HERC4: variants seen among roughly 807,000 people sequenced by gnomAD.
The protein encoded by HERC4 is HECT and RLD domain containing E3 ubiquitin protein ligase 4, also known as probable E3 ubiquitin-protein ligase HERC4.
HERC4 carries 28 observed loss-of-function variants against 124.3 expected under a neutral mutation model. That is an observed-to-expected ratio of 0.23 (90% CI 0.17 to 0.31). The LOEUF is 0.31. HERC4 is among the 10% of genes least tolerant of loss of function. The pLI, the probability that HERC4 is intolerant of heterozygous loss-of-function variation, is 1.00. For missense variants in HERC4, 713 were observed against 1,229.3 expected, an observed-to-expected ratio of 0.58 and a Z score of 6.28; for synonymous variants, 407 against 421.5, an observed-to-expected ratio of 0.97 and a Z score of 0.42.
intron 16 of HERC4, among the ~76,000 whole-genome samples, chr10:67,958,815 T>G (rs912623012): frequency 6.6e-6 from 1 of 152,202 alleles, no homozygotes; most frequent in Admixed American, 6.5e-5. Flanking sequence ...TTTTATATTC[T>G]GAGGACACAT....
chr10:68,004,655 T>A (rs2037432660), intron 9 of HERC4, among the ~76,000 whole-genome samples: 1 of 152,228 alleles, frequency 6.6e-6, no homozygotes, highest in South Asian at 2.1e-4. Context: ...GAGGTTTAAC[T>A]GACTCACAGT....
intron 8 of HERC4, among the ~76,000 whole-genome samples, chr10:68,017,801 TC>T (rs1282395786): frequency 6.6e-6 from 1 of 152,144 alleles, no homozygotes; most frequent in Non-Finnish European, 1.5e-5. Flanking sequence ...TGTCAATAAG[TC>T]TAAAATTAGG....
intron 9 of HERC4, among the ~76,000 whole-genome samples, chr10:68,003,197 C>T (rs1564533811): frequency 6.6e-6 from 1 of 151,600 alleles, no homozygotes; most frequent in Non-Finnish European, 1.5e-5. Context: ...TGCTCTGTCA[C>T]CTAGGCTCGA....
At chr10:67,970,843 T>C (rs1316170782) in intron 15 of HERC4, among the ~76,000 whole-genome samples, 1 of 151,964 alleles carries the variant, frequency 6.6e-6, no homozygotes, top group East Asian at 1.9e-4. Flanking sequence ...GATCAATGTT[T>C]CTGCTTTAAG....
chr10:68,064,397 T>C (rs1164851271), intron 3 of HERC4, among the ~76,000 whole-genome samples: 4 of 151,084 alleles, frequency 2.6e-5, no homozygotes, highest in Non-Finnish European at 4.4e-5. Context: ...CTACTAAAAA[T>C]ACAAAAATTA....
intron 19 of HERC4, among the ~76,000 whole-genome samples, chr10:67,949,846 C>G (rs371439841): frequency 4.6e-5 from 7 of 152,090 alleles, no homozygotes; most frequent in African/African-American, 1.7e-4. Context: ...GGTGAAACCT[C>G]GTCTCTACCA....
At chr10:67,980,708 G>A (rs1042083539) in intron 15 of HERC4, among the ~76,000 whole-genome samples, 36 of 152,158 alleles carry the variant, frequency 2.4e-4, no homozygotes, top group African/African-American at 8.7e-4. Flanking sequence ...TTTCAAAACA[G>A]AGTATAAGAT....
intron 9 of HERC4, chr10:68,010,307 G>C: frequency 1.0e-6 from 1 of 958,078 alleles, no homozygotes; most frequent in African/African-American, 1.6e-5. Flanking sequence ...CATAGCCTGG[G>C]GTACCAAAAT....
chr10:68,019,488 G>A (rs2038479048), intron 8 of HERC4, among the ~76,000 whole-genome samples: 1 of 152,036 alleles, frequency 6.6e-6, no homozygotes. Context: ...ACAGTAGGAG[G>A]GTGAAGAATT....
intron 19 of HERC4, among the ~76,000 whole-genome samples, chr10:67,945,465 C>T (rs544372338): frequency 6.6e-6 from 1 of 152,262 alleles, no homozygotes; most frequent in Non-Finnish European, 1.5e-5. Context: ...TTGAGTTCTT[C>T]AGTCTGAAAG....
chr10:67,945,773 G>C (rs2033272478), intron 19 of HERC4, among the ~76,000 whole-genome samples: 1 of 151,850 alleles, frequency 6.6e-6, no homozygotes, highest in African/African-American at 2.4e-5. Flanking sequence ...TACAATATTG[G>C]GTTATAAGCT....
chr10:67,973,917 C>T (rs149137145), intron 15 of HERC4, among the ~76,000 whole-genome samples: 7,928 of 151,504 alleles, frequency 0.052, 736 homozygotes, highest in African/African-American at 0.18. Context: ...TGCGGTGGCA[C>T]GTGCCTGTAG....
At chr10:68,036,820 C>A (rs1206501394) in intron 5 of HERC4, among the ~76,000 whole-genome samples, 1 of 152,116 alleles carries the variant, frequency 6.6e-6, no homozygotes, top group African/African-American at 2.4e-5. Context: ...CTAATCCCCT[C>A]CTTATTATTA....
At chr10:68,000,483 G>A (rs1418672134) in intron 9 of HERC4, among the ~76,000 whole-genome samples, 1 of 151,998 alleles carries the variant, frequency 6.6e-6, no homozygotes, top group African/African-American at 2.4e-5. Flanking sequence ...GGAGGCTGAG[G>A]TGGGAGGATC....
intron 15 of HERC4, among the ~76,000 whole-genome samples, chr10:67,985,462 A>C (rs761848143): frequency 2.6e-5 from 4 of 152,234 alleles, no homozygotes; most frequent in Non-Finnish European, 5.9e-5. Context: ...TCACATTTTA[A>C]TTAAAGTTTA....
intron 22 of HERC4, among the ~76,000 whole-genome samples, chr10:67,935,570 C>T (rs2032285976): frequency 6.6e-6 from 1 of 152,178 alleles, no homozygotes; most frequent in Admixed American, 6.5e-5. Context: ...CAGCTCCTTA[C>T]CTGTGGCAGT....
intron 24 of HERC4, among the ~76,000 whole-genome samples, chr10:67,923,379 T>C (rs1323010906): frequency 6.6e-6 from 1 of 152,218 alleles, no homozygotes; most frequent in African/African-American, 2.4e-5. Context: ...TTAATAAATG[T>C]TTGATAAGTG....
chr10:67,974,637 A>G (rs984778143), intron 15 of HERC4, among the ~76,000 whole-genome samples: 1 of 152,192 alleles, frequency 6.6e-6, no homozygotes, highest in African/African-American at 2.4e-5. Flanking sequence ...GGATCGGTCT[A>G]TATCTGTTGC....
intron 3 of HERC4, among the ~76,000 whole-genome samples, chr10:68,049,918 C>T (rs1204605669): frequency 1.3e-5 from 2 of 151,736 alleles, no homozygotes; most frequent in African/African-American, 2.4e-5. Context: ...AAACAAAAAA[C>T]AAACAAGGCC....
Sources: gnomAD v4.1 joint callset for allele counts (sites outside exome capture counted in the v4.1 genomes callset) on GRCh38, gnomAD v4.1.1 for gene constraint, MANE v1.5 for transcripts, NCBI Gene and HGNC (gene_info 2026-07-23, HGNC 2026-07-21) for gene names.